CNTN6: variants seen among roughly 807,000 people sequenced by gnomAD.
The protein encoded by CNTN6 is contactin-6.
In CNTN6, 137 loss-of-function variants were observed where a neutral mutation model predicts 122.8. The observed-to-expected ratio is 1.12, with a 90% CI of 0.97 to 1.29. CNTN6 has a LOEUF of 1.29. CNTN6 is among the 50% of genes most tolerant of loss of function. The pLI is 0.00. For missense variants in CNTN6, 1,634 were observed against 1,223.4 expected, an observed-to-expected ratio of 1.34 and a Z score of -5.01; for synonymous variants, 570 against 426.0, an observed-to-expected ratio of 1.34 and a Z score of -4.16.
chr3:1,093,893 A>T (rs1466236078), intron 1 of CNTN6, among the ~76,000 whole-genome samples: 1 of 152,192 alleles, frequency 6.6e-6, no homozygotes, highest in African/African-American at 2.4e-5. Context: ...TTTGGGGGGA[A>T]AATTGGAATT....
At chr3:1,164,987 G>T (rs1298827962) in intron 2 of CNTN6, among the ~76,000 whole-genome samples, 3 of 152,152 alleles carry the variant, frequency 2.0e-5, no homozygotes, top group African/African-American at 7.2e-5. Context: ...GCATTGGAGG[G>T]TATTGGGCTG....
At chr3:1,232,082 T>C (rs958879991) in intron 4 of CNTN6, among the ~76,000 whole-genome samples, 1 of 152,218 alleles carries the variant, frequency 6.6e-6, no homozygotes, top group African/African-American at 2.4e-5. Context: ...GAAAATGAGA[T>C]AGGTGTTTTG....
chr3:1,313,310 T>C (rs1448697984), intron 7 of CNTN6, among the ~76,000 whole-genome samples: 1 of 152,126 alleles, frequency 6.6e-6, no homozygotes, highest in Non-Finnish European at 1.5e-5. Context: ...AGTATTCATA[T>C]TATTTACATT....
chr3:1,115,469 G>T (rs1475461171), intron 1 of CNTN6, among the ~76,000 whole-genome samples: 1 of 152,136 alleles, frequency 6.6e-6, no homozygotes, highest in Non-Finnish European at 1.5e-5. Flanking sequence ...AAACAAAAGG[G>T]CCGGGTACGG....
In CNTN6 at chr3:1,272,020, G is replaced by C. The variant is rs112202531; in HGVS notation, c.359-6393G>C. ...CATGGGGGCAGGTTTTACCCATGCT[G>C]TTCTCCTGTTAGTGAATAAGTCTCA... On this transcript the variant is annotated intron_variant, in intron 4 of 22. Transcript: ENST00000446702. Among the ~76,000 whole-genome samples the C allele has an allele frequency of 3.4e-4, 51 of 152,134 alleles. 1 individual carries two copies. Among genetic ancestry groups the C allele is most frequent in the Non-Finnish European group, 2.9e-4 (20 of 68,026 alleles).
At chr3:1,203,100 A>G (rs2093908523) in intron 2 of CNTN6, among the ~76,000 whole-genome samples, 1 of 152,204 alleles carries the variant, frequency 6.6e-6, no homozygotes, top group Non-Finnish European at 1.5e-5. Context: ...ATCAGACAAT[A>G]ATTTTAATTT....
chr3:1,282,706 C>T (rs892211203), intron 5 of CNTN6, among the ~76,000 whole-genome samples: 1 of 152,196 alleles, frequency 6.6e-6, no homozygotes, highest in African/African-American at 2.4e-5. Flanking sequence ...TGTTAAACGT[C>T]TCCTTCATTC....
At chr3:1,202,427 C>G (rs1038586006) in intron 2 of CNTN6, among the ~76,000 whole-genome samples, 6 of 151,782 alleles carry the variant, frequency 4.0e-5, no homozygotes, top group South Asian at 2.1e-4. Flanking sequence ...GTAGTCCCAG[C>G]TACTCGGGAG....
chr3:1,291,348 C>G (rs1695289266), intron 5 of CNTN6, among the ~76,000 whole-genome samples: 2 of 152,156 alleles, frequency 1.3e-5, no homozygotes, highest in Non-Finnish European at 2.9e-5. Context: ...TTGGCAAGTT[C>G]TAGCAGCTAA....
At chr3:1,321,605 TA>T in intron 7 of CNTN6, 44 bp from the exon 8 acceptor site, 1 of 1,495,192 alleles carries the variant, frequency 6.7e-7, no homozygotes, top group Non-Finnish European at 9.0e-7. Context: ...TTTGCTGTCA[TA>T]AAGATTAAAC....
At chr3:1,341,905 A>T (rs1051583572) in intron 11 of CNTN6, among the ~76,000 whole-genome samples, 2 of 152,272 alleles carry the variant, frequency 1.3e-5, no homozygotes, top group African/African-American at 2.4e-5. Flanking sequence ...TTAAATTAAA[A>T]TGTATTTGAG....
At chr3:1,400,899 G>T (rs918743664) in intron 20 of CNTN6, among the ~76,000 whole-genome samples, 7 of 152,044 alleles carry the variant, frequency 4.6e-5, no homozygotes, top group Non-Finnish European at 5.9e-5. Context: ...AGACTCTGCT[G>T]CAATCTGCCA....
At chr3:1,122,518 G>A (rs1212184423) in intron 1 of CNTN6, among the ~76,000 whole-genome samples, 1 of 151,830 alleles carries the variant, frequency 6.6e-6, no homozygotes, top group Non-Finnish European at 1.5e-5. Flanking sequence ...GCACGATGTT[G>A]CACAACCACC....
At chr3:1,095,047 G>A (rs2090448738) in intron 1 of CNTN6, among the ~76,000 whole-genome samples, 1 of 151,848 alleles carries the variant, frequency 6.6e-6, no homozygotes, top group Admixed American at 6.6e-5. Flanking sequence ...GATAAGATGA[G>A]AGATAAATAC....
At chr3:1,151,011 A>G (rs553954735) in intron 2 of CNTN6, among the ~76,000 whole-genome samples, 42 of 152,272 alleles carry the variant, frequency 2.8e-4, no homozygotes, top group African/African-American at 9.9e-4. Context: ...GCAGGGGGAC[A>G]GATTCTCCCC....
intron 4 of CNTN6, among the ~76,000 whole-genome samples, chr3:1,239,583 A>T (rs555071692): frequency 1.3e-5 from 2 of 152,214 alleles, no homozygotes; most frequent in East Asian, 3.8e-4. Context: ...AATATTGTGA[A>T]AATGACCACA....
At chr3:1,355,321 A>G (rs972852585) in intron 12 of CNTN6, among the ~76,000 whole-genome samples, 1 of 151,684 alleles carries the variant, frequency 6.6e-6, no homozygotes, top group African/African-American at 2.4e-5. Context: ...TTTATCTGTA[A>G]TGTTTAATCT....
At chr3:1,288,894 C>T (rs923312468) in intron 5 of CNTN6, among the ~76,000 whole-genome samples, 2 of 152,154 alleles carry the variant, frequency 1.3e-5, no homozygotes, top group African/African-American at 4.8e-5. Context: ...TCTTCAATTG[C>T]TTACTGCAGA....
intron 7 of CNTN6, among the ~76,000 whole-genome samples, chr3:1,312,911 C>A (rs772634762): frequency 2.6e-5 from 4 of 151,058 alleles, no homozygotes; most frequent in Non-Finnish European, 5.9e-5. Flanking sequence ...CAACTGTAAT[C>A]GTATGTTTGA....
Sources: gnomAD v4.1 joint callset for allele counts (sites outside exome capture counted in the v4.1 genomes callset) on GRCh38, gnomAD v4.1.1 for gene constraint, MANE v1.5 for transcripts, NCBI Gene and HGNC (gene_info 2026-07-23, HGNC 2026-07-21) for gene names.